The following BRAF variants were observed in gnomAD, a reference collection of about 807,000 sequenced individuals.
The protein encoded by BRAF is B-Raf proto-oncogene, serine/threonine kinase.
Under a neutral mutation model 104.6 loss-of-function variants are expected in BRAF, and 16 were observed. That is an observed-to-expected ratio of 0.15 (90% CI 0.10 to 0.23). The LOEUF (loss-of-function observed/expected upper bound fraction) is 0.23. BRAF is among the 10% of genes least tolerant of loss of function. The probability of loss-of-function intolerance (pLI) is 1.00; values close to 1 mark genes in which losing one functional copy is unlikely to be tolerated. For missense variants in BRAF, 541 were observed against 937.3 expected, an observed-to-expected ratio of 0.58 and a Z score of 5.52; for synonymous variants, 310 against 341.6, an observed-to-expected ratio of 0.91 and a Z score of 1.02.
intron 1 of BRAF, among the ~76,000 whole-genome samples, chr7:140,905,484 T>C (rs998537111): frequency 6.6e-6 from 1 of 152,248 alleles, no homozygotes; most frequent in Non-Finnish European, 1.5e-5. Context: ...GTATGTCTTA[T>C]TGTGATGATT....
At chr7:140,822,754 G>A (rs974953528) in intron 3 of BRAF, among the ~76,000 whole-genome samples, 1 of 152,148 alleles carries the variant, frequency 6.6e-6, no homozygotes, top group Non-Finnish European at 1.5e-5. Flanking sequence ...ATCTTTCTAC[G>A]AACATATGCT....
At chr7:140,785,446 T>C (rs1410600350) in intron 10 of BRAF, among the ~76,000 whole-genome samples, 1 of 152,128 alleles carries the variant, frequency 6.6e-6, no homozygotes, top group East Asian at 1.9e-4. Context: ...AAAAACAAGA[T>C]GGAAATCTCA....
intron 14 of BRAF, among the ~76,000 whole-genome samples, chr7:140,764,561 C>T (rs2129009185): frequency 6.6e-6 from 1 of 152,060 alleles, no homozygotes; most frequent in African/African-American, 2.4e-5. Context: ...ACTGTCTCAG[C>T]CCAAAATCTC....
chr7:140,721,663 G>A lies in BRAF; in HGVS notation c.*4831C>T, dbSNP rs1162188659. On this transcript the variant is annotated 3_prime_UTR_variant, in exon 20 of 20. Transcript: ENST00000644969. ...TACCCTCTTCTGGGGCTCAACTACC[G>A]ATGGGCATCAGTAATCCATCCCAGT... 23 of 1,534,644 alleles carry A rather than the reference G, an allele frequency of 1.5e-5. No individual in the cohort carries two copies. Among genetic ancestry groups the A allele is most frequent in the East Asian group, 9.8e-5 (4 of 40,768 alleles).
At chr7:140,826,663 T>C (rs1466044645) in intron 3 of BRAF, among the ~76,000 whole-genome samples, 3 of 152,334 alleles carry the variant, frequency 2.0e-5, no homozygotes, top group South Asian at 4.1e-4. Flanking sequence ...TTCAGATTTG[T>C]ACCCTCTACT....
chr7:140,779,731 G>C (rs1359665923), intron 12 of BRAF: 1 of 152,210 alleles, frequency 6.6e-6, no homozygotes, highest in Admixed American at 6.5e-5. Flanking sequence ...TCAGGAGTTT[G>C]AGAACAGCCT....
At chr7:140,843,631 T>A (rs1016746985) in intron 2 of BRAF, among the ~76,000 whole-genome samples, 4 of 152,242 alleles carry the variant, frequency 2.6e-5, no homozygotes, top group African/African-American at 4.8e-5. Flanking sequence ...AATATTTATT[T>A]TTCAACATTT....
chr7:140,845,701 C>A (rs184819468), intron 2 of BRAF, among the ~76,000 whole-genome samples: 1 of 151,990 alleles, frequency 6.6e-6, no homozygotes, highest in South Asian at 2.1e-4. Flanking sequence ...TTGTTTGAGA[C>A]GGAGTCTTAT....
At chr7:140,838,561 C>T (rs1351931903) in intron 2 of BRAF, among the ~76,000 whole-genome samples, 1 of 152,138 alleles carries the variant, frequency 6.6e-6, no homozygotes, top group Non-Finnish European at 1.5e-5. Flanking sequence ...AGATTCAATG[C>T]AATCCTTCTC....
At chr7:140,739,550 G>A (rs1258430342) in intron 18 of BRAF, among the ~76,000 whole-genome samples, 2 of 150,764 alleles carry the variant, frequency 1.3e-5, no homozygotes, top group Non-Finnish European at 3.0e-5. Context: ...ATTTTTAAAT[G>A]TGTAAAAGAG....
chr7:140,810,647 TG>T (rs549664849), intron 3 of BRAF, among the ~76,000 whole-genome samples: 94 of 152,304 alleles, frequency 6.2e-4, no homozygotes, highest in Middle Eastern at 3.4e-3. Context: ...GGCTCATCAC[TG>T]GAAGTATTAA....
intron 8 of BRAF, among the ~76,000 whole-genome samples, chr7:140,789,061 T>C (rs995304741): frequency 2.6e-5 from 4 of 151,440 alleles, no homozygotes; most frequent in African/African-American, 7.3e-5. Context: ...ATACAAAAAT[T>C]AGACAGGCAT....
intron 1 of BRAF, among the ~76,000 whole-genome samples, chr7:140,862,065 G>T (rs555468018): frequency 6.6e-6 from 1 of 152,142 alleles, no homozygotes; most frequent in African/African-American, 2.4e-5. Flanking sequence ...ATTTAGAAAA[G>T]AATCCTAGAC....
At chr7:140,876,801 T>C (rs567615150) in intron 1 of BRAF, among the ~76,000 whole-genome samples, 13 of 134,728 alleles carry the variant, frequency 9.6e-5, no homozygotes, top group East Asian at 3.9e-4. Flanking sequence ...CCTGATCTGA[T>C]TGATATTTAT....
chr7:140,873,143 AGT>A (rs1811804292), intron 1 of BRAF, among the ~76,000 whole-genome samples: 1 of 145,080 alleles, frequency 6.9e-6, no homozygotes, highest in African/African-American at 2.5e-5. Flanking sequence ...GCTGAACCTG[AGT>A]AAGAACATCA....
intron 1 of BRAF, among the ~76,000 whole-genome samples, chr7:140,898,492 T>G (rs969808441): frequency 1.2e-4 from 18 of 152,294 alleles, no homozygotes; most frequent in African/African-American, 4.3e-4. Flanking sequence ...ACCCAAAGGC[T>G]AACATATGAA....
chr7:140,859,898 AG>A (rs1810222008), intron 1 of BRAF, among the ~76,000 whole-genome samples: 1 of 152,156 alleles, frequency 6.6e-6, no homozygotes, highest in African/African-American at 2.4e-5. Flanking sequence ...CATATTGGCC[AG>A]GATGGTCTTG....
At chr7:140,904,737 T>C (rs1816098937) in intron 1 of BRAF, among the ~76,000 whole-genome samples, 1 of 152,156 alleles carries the variant, frequency 6.6e-6, no homozygotes, top group South Asian at 2.1e-4. Flanking sequence ...GCCTCCCAAG[T>C]AGCTGGGACT....
At chr7:140,827,904 A>T (rs10270697) in intron 3 of BRAF, among the ~76,000 whole-genome samples, 1,784 of 151,472 alleles carry the variant, frequency 0.012, 32 homozygotes, top group African/African-American at 0.04. Flanking sequence ...TTATTTATTT[A>T]TTTTTTTTTG....
Sources: allele counts gnomAD v4.1 joint callset (sites outside exome capture counted in the v4.1 genomes callset), GRCh38; gene constraint gnomAD v4.1.1; transcripts MANE v1.5; gene names NCBI Gene and HGNC (gene_info 2026-07-23, HGNC 2026-07-21).